GPC6: variants seen among roughly 807,000 people sequenced by gnomAD.
GPC6 encodes glypican 6, also known as glypican-6.
GPC6 carries 14 observed loss-of-function variants against 55.2 expected under a neutral mutation model. The observed-to-expected ratio is 0.25, with a 90% CI of 0.17 to 0.40. The LOEUF is 0.40. Ranked by LOEUF, GPC6 falls within the 10% of genes least tolerant of loss-of-function variation. The pLI is 1.00. For synonymous variants in GPC6, 278 were observed against 259.6 expected (o/e 1.07, Z -0.68); for missense variants, 641 against 708.5 (o/e 0.90, Z 1.08).
intron 1 of GPC6, among the ~76,000 whole-genome samples, chr13:93,257,928 G>A (rs1302788234): frequency 1.3e-5 from 2 of 152,158 alleles, no homozygotes; most frequent in African/African-American, 2.4e-5. Flanking sequence ...TGTTAGAGAA[G>A]GTAAGAAGTA....
At chr13:93,979,649 A>G (rs1880700391) in intron 3 of GPC6, among the ~76,000 whole-genome samples, 1 of 152,060 alleles carries the variant, frequency 6.6e-6, no homozygotes, top group South Asian at 2.1e-4. Context: ...AGTGAACTCA[A>G]CGCATTAAAC....
chr13:94,106,223 A>G (rs112896160), intron 4 of GPC6, among the ~76,000 whole-genome samples: 2,038 of 152,174 alleles, frequency 0.013, 44 homozygotes, highest in African/African-American at 0.047. Context: ...AGAGTTATCC[A>G]GCTGAAGATG....
At chr13:93,356,880 G>A (rs1880866299) in intron 1 of GPC6, among the ~76,000 whole-genome samples, 2 of 152,182 alleles carry the variant, frequency 1.3e-5, no homozygotes, top group South Asian at 4.1e-4. Flanking sequence ...AGGATGAAAT[G>A]TGTATCTGAT....
intron 1 of GPC6, among the ~76,000 whole-genome samples, chr13:93,363,032 G>A (rs1032694799): frequency 1.3e-5 from 2 of 150,800 alleles, no homozygotes; most frequent in African/African-American, 4.9e-5. Context: ...GCTGCAAAAT[G>A]TATTAGTATC....
At chr13:93,952,873 T>C (rs530421000) in intron 3 of GPC6, among the ~76,000 whole-genome samples, 17 of 109,088 alleles carry the variant, frequency 1.6e-4, no homozygotes, top group East Asian at 3.6e-4. Context: ...TGTATATATA[T>C]ACATATATAT....
chr13:94,235,312 T>C (rs1890848122), intron 4 of GPC6, among the ~76,000 whole-genome samples: 1 of 152,070 alleles, frequency 6.6e-6, no homozygotes, highest in Admixed American at 6.6e-5. Flanking sequence ...TCTGGGAGCG[T>C]CTCTCACAGT....
chr13:94,193,289 G>C (rs921918867), intron 4 of GPC6, among the ~76,000 whole-genome samples: 2 of 152,096 alleles, frequency 1.3e-5, no homozygotes, highest in Non-Finnish European at 2.9e-5. Context: ...CACCATAGGA[G>C]CGGTCCAAAG....
At chr13:94,374,644 C>G (rs1176535609) in intron 6 of GPC6, among the ~76,000 whole-genome samples, 2 of 151,498 alleles carry the variant, frequency 1.3e-5, no homozygotes, top group Non-Finnish European at 2.9e-5. Flanking sequence ...CAACATTAGA[C>G]AGTTCAACGA....
chr13:94,224,892 G>T (rs1422361752), intron 4 of GPC6, among the ~76,000 whole-genome samples: 3 of 152,066 alleles, frequency 2.0e-5, no homozygotes, highest in Non-Finnish European at 4.4e-5. Flanking sequence ...TGCTTTGATT[G>T]TGCTTTGTCT....
At chr13:94,286,703 A>C (rs1406379826) in intron 5 of GPC6, among the ~76,000 whole-genome samples, 2 of 152,190 alleles carry the variant, frequency 1.3e-5, no homozygotes, top group African/African-American at 4.8e-5. Flanking sequence ...ATCACGAAGA[A>C]ATTATGGGCT....
At chr13:93,506,809 G>C (rs1880734600) in intron 1 of GPC6, among the ~76,000 whole-genome samples, 1 of 150,946 alleles carries the variant, frequency 6.6e-6, no homozygotes, top group African/African-American at 2.4e-5. Context: ...GGGAGGCCGA[G>C]GTGGGCGGAT....
intron 1 of GPC6, among the ~76,000 whole-genome samples, chr13:93,255,750 C>T (rs1225698574): frequency 6.6e-6 from 1 of 151,992 alleles, no homozygotes; most frequent in Non-Finnish European, 1.5e-5. Flanking sequence ...GCCTGTATAC[C>T]AAGAATATAT....
At chr13:94,290,429 TA>T (rs532958421) in intron 5 of GPC6, among the ~76,000 whole-genome samples, 40,805 of 99,158 alleles carry the variant, frequency 0.41, 6,101 homozygotes, top group Non-Finnish European at 0.44. Context: ...TCTAGAAAGG[TA>T]AAAAAAAAAA....
intron 4 of GPC6, among the ~76,000 whole-genome samples, chr13:94,131,747 T>C (rs950097075): frequency 6.6e-6 from 1 of 152,170 alleles, no homozygotes; most frequent in Admixed American, 6.5e-5. Context: ...TTATGAACAT[T>C]GATGATTCTG....
chr13:94,359,464 G>A (rs1272051166), intron 6 of GPC6, among the ~76,000 whole-genome samples: 1 of 152,074 alleles, frequency 6.6e-6, no homozygotes, highest in Non-Finnish European at 1.5e-5. Flanking sequence ...AAATTGAGAG[G>A]TTAGGGTTCC....
At chr13:94,248,022 G>A (rs768598500) in intron 4 of GPC6, among the ~76,000 whole-genome samples, 1 of 151,828 alleles carries the variant, frequency 6.6e-6, no homozygotes, top group African/African-American at 2.4e-5. Context: ...CTTTTCTTAT[G>A]GTGTCTTTGT....
chr13:93,588,371 T>A (rs888320840), intron 2 of GPC6, among the ~76,000 whole-genome samples: 1 of 2,524 alleles, frequency 4.0e-4, no homozygotes, highest in African/African-American at 1.4e-3. Context: ...CTATTAAGTG[T>A]GTGTGTGTGT....
intron 1 of GPC6, among the ~76,000 whole-genome samples, chr13:93,451,548 A>G (rs1302739481): frequency 6.6e-6 from 1 of 152,204 alleles, no homozygotes; most frequent in Non-Finnish European, 1.5e-5. Context: ...TTGTGTTGGA[A>G]CACCATCATG....
intron 2 of GPC6, among the ~76,000 whole-genome samples, chr13:93,809,437 A>G (rs1320965943): frequency 1.3e-5 from 2 of 152,164 alleles, no homozygotes; most frequent in African/African-American, 4.8e-5. Flanking sequence ...TGAATTGTGG[A>G]TGTCTGGCTC....
Sources: gnomAD v4.1 joint callset for allele counts (sites outside exome capture counted in the v4.1 genomes callset) on GRCh38, gnomAD v4.1.1 for gene constraint, MANE v1.5 for transcripts, NCBI Gene and HGNC (gene_info 2026-07-23, HGNC 2026-07-21) for gene names.